CAMK2D: variants seen among roughly 807,000 people sequenced by gnomAD.
The protein encoded by CAMK2D is calcium/calmodulin dependent protein kinase II delta.
A neutral mutation model predicts 84.0 loss-of-function variants in CAMK2D; 37 were observed. That is an observed-to-expected ratio of 0.44 (90% CI 0.34 to 0.58). The LOEUF (loss-of-function observed/expected upper bound fraction) is 0.58, where lower values mean the gene tolerates loss of function less well. CAMK2D is among the 20% of genes least tolerant of loss of function. CAMK2D has a pLI of 0.02. For missense variants in CAMK2D, 448 were observed against 652.5 expected (o/e 0.69, Z 3.41); for synonymous variants, 202 against 212.5 (o/e 0.95, Z 0.43).
At chr4:113,656,038 A>G (rs1401651042) in intron 3 of CAMK2D, among the ~76,000 whole-genome samples, 2 of 152,146 alleles carry the variant, frequency 1.3e-5, no homozygotes, top group Admixed American at 6.6e-5. Context: ...TTTGATACAT[A>G]TGTTGACATA....
At chr4:113,485,519 C>G (rs2097757880) in intron 16 of CAMK2D, among the ~76,000 whole-genome samples, 1 of 152,214 alleles carries the variant, frequency 6.6e-6, no homozygotes, top group South Asian at 2.1e-4. Flanking sequence ...TCAACCCTCC[C>G]TTGACCATGT....
intron 6 of CAMK2D, among the ~76,000 whole-genome samples, chr4:113,543,187 G>A (rs1026591287): frequency 3.9e-5 from 6 of 152,128 alleles, no homozygotes; most frequent in Non-Finnish European, 7.4e-5. Context: ...CATAGAAATT[G>A]TATTCTCCAG....
chr4:113,525,400 C>T (rs2098408836), intron 8 of CAMK2D, among the ~76,000 whole-genome samples: 1 of 152,170 alleles, frequency 6.6e-6, no homozygotes, highest in African/African-American at 2.4e-5. Context: ...AACATTTCCT[C>T]ATCCCATTAG....
Position 113,623,927 on chromosome 4 carries a change from C to A in CAMK2D, c.221-14721G>T, listed in dbSNP as rs528036487. Among the ~76,000 whole-genome samples, 3 of 152,242 alleles carry A rather than the reference C, an allele frequency of 2.0e-5. No homozygotes were observed. The East Asian group carries it at 5.8e-4, about 29-fold the overall frequency. On this transcript the variant is annotated intron_variant, in intron 3 of 20. Transcript: ENST00000511664. Reference sequence around the variant, plus strand: ...TCTCATTGTGTATTAAATATGTATACATCACCGAGCCAGGATTTCAAGGTC... The same window carrying A: ...TCTCATTGTGTATTAAATATGTATAAATCACCGAGCCAGGATTTCAAGGTC...
At chr4:113,569,921 T>A (rs966778708) in intron 4 of CAMK2D, among the ~76,000 whole-genome samples, 1 of 152,074 alleles carries the variant, frequency 6.6e-6, no homozygotes, top group African/African-American at 2.4e-5. Flanking sequence ...ATAGTTCTGC[T>A]AATAAACAAA....
At chr4:113,594,232 G>A (rs141362191) in intron 4 of CAMK2D, among the ~76,000 whole-genome samples, 2 of 152,256 alleles carry the variant, frequency 1.3e-5, no homozygotes, top group Non-Finnish European at 2.9e-5. Flanking sequence ...TAAACCATTC[G>A]TGAGAAATCC....
chr4:113,458,703 G>C (rs887919845), intron 18 of CAMK2D, among the ~76,000 whole-genome samples: 1 of 152,130 alleles, frequency 6.6e-6, no homozygotes, highest in African/African-American at 2.4e-5. Context: ...TTATTTGTTT[G>C]TAAATGTCTA....
chr4:113,683,708 A>G (rs751540227), intron 2 of CAMK2D, among the ~76,000 whole-genome samples: 4 of 152,232 alleles, frequency 2.6e-5, no homozygotes, highest in Admixed American at 6.5e-5. Flanking sequence ...TTTGGAGAAC[A>G]GCAATAGTTT....
intron 16 of CAMK2D, among the ~76,000 whole-genome samples, chr4:113,491,339 G>GT (rs1300903404): frequency 8.8e-6 from 1 of 113,734 alleles, no homozygotes; most frequent in Non-Finnish European, 1.8e-5. Flanking sequence ...TTTATTGAGA[G>GT]TTTTTAGCAT....
intron 3 of CAMK2D, among the ~76,000 whole-genome samples, chr4:113,610,255 A>G (rs1357350423): frequency 6.6e-6 from 1 of 152,096 alleles, no homozygotes; most frequent in Admixed American, 6.6e-5. Flanking sequence ...GTGTATCCAA[A>G]TCACTTGAAG....
rs963148288 is a variant in CAMK2D, at chr4:113,484,622, G to T, written c.1135+15841C>A. On this transcript the variant is annotated intron_variant, in intron 16 of 20. Transcript: ENST00000511664. ...TATATATAGATGCAAGACACCAATT[G>T]GTTCTATTCAGTAGAATTAACTTCA... Among the ~76,000 whole-genome samples, 9 of 152,098 alleles carry T rather than the reference G, an allele frequency of 5.9e-5. No homozygotes were observed. In the East Asian group the frequency reaches 1.3e-3, roughly 23 times the overall value.
chr4:113,614,342 C>A (rs1321948095), intron 3 of CAMK2D, among the ~76,000 whole-genome samples: 2 of 152,068 alleles, frequency 1.3e-5, no homozygotes, highest in Admixed American at 6.6e-5. Context: ...CATTGGTGGA[C>A]CCCAGTGGAC....
chr4:113,578,595 T>C (rs1010596927), intron 4 of CAMK2D, among the ~76,000 whole-genome samples: 10 of 152,192 alleles, frequency 6.6e-5, no homozygotes, highest in African/African-American at 1.4e-4. Context: ...AAGTGTGCCA[T>C]TGGATTTTAT....
At chr4:113,562,887 C>A (rs945190147) in intron 4 of CAMK2D, among the ~76,000 whole-genome samples, 1 of 152,176 alleles carries the variant, frequency 6.6e-6, no homozygotes, top group African/African-American at 2.4e-5. Flanking sequence ...ATTACAAACT[C>A]TTTATTCACA....
intron 3 of CAMK2D, among the ~76,000 whole-genome samples, chr4:113,619,495 T>C (rs1388865789): frequency 6.6e-6 from 1 of 152,006 alleles, no homozygotes; most frequent in Non-Finnish European, 1.5e-5. Flanking sequence ...ACCCTCATTA[T>C]CCCCCTAACC....
chr4:113,607,586 G>A (rs2098983239), intron 4 of CAMK2D, among the ~76,000 whole-genome samples: 1 of 151,822 alleles, frequency 6.6e-6, no homozygotes, highest in Non-Finnish European at 1.5e-5. Context: ...ATGAGTATCA[G>A]AAGCTCCCCA....
intron 2 of CAMK2D, among the ~76,000 whole-genome samples, chr4:113,683,418 A>T (rs1213400065): frequency 1.3e-5 from 2 of 152,218 alleles, no homozygotes; most frequent in Non-Finnish European, 2.9e-5. Flanking sequence ...AAATCAGCAG[A>T]GGGGAGATGG....
Position 113,754,962 on chromosome 4 carries a change from C to T in CAMK2D, c.160+4358G>A, listed in dbSNP as rs538866225. The T allele has an allele frequency of 1.9e-3, 1,891 of 984,230 alleles. 1 individual carries two copies. The highest frequency in any genetic ancestry group is 2.2e-3 in the Non-Finnish European group (1,841 of 829,206). The allele number at this position is 984,230 out of a possible 1,614,324, so 61.0% of individuals were successfully genotyped here. On this transcript the variant is annotated intron_variant, in intron 2 of 20. Coordinates refer to ENST00000511664, the MANE Select transcript of CAMK2D (RefSeq NM_001321571.2). The stretch of plus-strand genomic sequence containing the variant: ...AGAAACCTTCAAATTTTAATTTGTC[C>T]AAATTGTTCCAATTTGCCAAATCAA...
chr4:113,712,399 T>A (rs183543558), intron 2 of CAMK2D, among the ~76,000 whole-genome samples: 1 of 152,272 alleles, frequency 6.6e-6, no homozygotes, highest in East Asian at 1.9e-4. Context: ...TGGGAAATAG[T>A]GTTTCCCAAG....
Sources: allele counts gnomAD v4.1 joint callset (sites outside exome capture counted in the v4.1 genomes callset), GRCh38; gene constraint gnomAD v4.1.1; transcripts MANE v1.5; gene names NCBI Gene and HGNC (gene_info 2026-07-23, HGNC 2026-07-21).